WDR74: variants seen among roughly 807,000 people sequenced by gnomAD.
WDR74 encodes WD repeat domain 74, also known as WD repeat-containing protein 74.
In WDR74, 31 loss-of-function variants were observed where a neutral mutation model predicts 45.6. The observed-to-expected ratio is 0.68, with a 90% CI of 0.51 to 0.92. The LOEUF (loss-of-function observed/expected upper bound fraction) is 0.92. Among genes scored for constraint, WDR74 ranks in the 40% least tolerant of loss-of-function variants. The probability of loss-of-function intolerance (pLI) is 0.00; values close to 1 mark genes in which losing one functional copy is unlikely to be tolerated. For synonymous variants in WDR74, 191 were observed against 192.4 expected (o/e 0.99, Z 0.06); for missense variants, 455 against 497.2 (o/e 0.92, Z 0.81).
upstream of WDR74, chr11:62,841,600 G>T (rs191069823): frequency 3.3e-5 from 5 of 152,148 alleles, no homozygotes; most frequent in Admixed American, 1.3e-4. Flanking sequence ...ATTAAACAAC[G>T]GTTGTTCTCT....
chr11:62,841,500 TTCAACACAC>T (rs2085051450), upstream of WDR74: 1 of 152,112 alleles, frequency 6.6e-6, no homozygotes, highest in Non-Finnish European at 1.5e-5. Flanking sequence ...ACACGCGTCA[TTCAACACAC>T]TAGCGATAAA....
At chr11:62,835,567 G>A (rs566992784) in intron 5 of WDR74, 35 bp from the exon 6 acceptor site, 1 of 1,612,818 alleles carries the variant, frequency 6.2e-7, no homozygotes, top group East Asian at 2.2e-5. Flanking sequence ...CAGGGCTATG[G>A]GGGGCTCGAT....
At chr11:62,834,982 C>T (rs139517149) in intron 6 of WDR74, 14 of 215,684 alleles carry the variant, frequency 6.5e-5, no homozygotes, top group Non-Finnish European at 1.0e-4. Flanking sequence ...CAGCCCCGCC[C>T]GTGTCTCAAG....
chr11:62,837,491 C>T (rs1331828055), intron 3 of WDR74, among the ~76,000 whole-genome samples: 1 of 145,792 alleles, frequency 6.9e-6, no homozygotes, highest in Admixed American at 7.0e-5. Context: ...AGTGAGACTC[C>T]GTATATAAAA....
In WDR74 at chr11:62,833,827, G is replaced by A. The variant is rs1210723605; in HGVS notation, c.886C>T (p.His296Tyr). The part of the protein sequence containing the change: ...SCGLDRVLRI[H>Y]RIQNPRGLEH... Reference sequence around the variant, plus strand: ...AGACCCCGTGGATTCTGGATCCTGTGTATCCTCAAGACTCTGTCCAAGCCA... The same window carrying A: ...AGACCCCGTGGATTCTGGATCCTGTATATCCTCAAGACTCTGTCCAAGCCA... The change falls in exon 9 of 11, where the codon CAC becomes TAC. Residue 296 changes from histidine (H) to tyrosine (Y), a missense_variant. Physicochemically the swap from His to Tyr is moderately conservative, Grantham distance 83 (BLOSUM62 2). Coordinates refer to ENST00000278856, the MANE Select transcript of WDR74 (RefSeq NM_001369450.1). 1 of 1,613,922 alleles carries A rather than the reference G, an allele frequency of 6.2e-7. No homozygotes were observed. Among genetic ancestry groups the A allele is most frequent in the East Asian group, 2.2e-5 (1 of 44,880 alleles).
At chr11:62,841,649 A>T (rs970946629), upstream of WDR74, 1 of 152,238 alleles carries the variant, frequency 6.6e-6, no homozygotes, top group Non-Finnish European at 1.5e-5. Context: ...AAGTACTGCA[A>T]TACCAGGTCG....
Position 62,835,890 on chromosome 11 carries a change from C to T in WDR74, c.370-49G>A, listed in dbSNP as rs755611722. 3.8e-6 allele frequency: 6 copies of T among 1,589,746 alleles called. No individual in the cohort carries two copies. In the Admixed American group the frequency reaches 9.1e-5, roughly 24 times the overall value. Reference sequence around the variant, plus strand: ...TCCGTTCCAGAGTCCTTAATCCTCCCTTCCCCAGCGTGATCATTAGGCACC... The same window carrying T: ...TCCGTTCCAGAGTCCTTAATCCTCCTTTCCCCAGCGTGATCATTAGGCACC... On this transcript the variant is annotated intron_variant, in intron 4 of 10. Coordinates refer to ENST00000278856, the MANE Select transcript of WDR74 (RefSeq NM_001369450.1).
rs1377582478 is a variant in WDR74, at chr11:62,839,113, C to T, written c.293+1G>A. Reference sequence around the variant, plus strand: ...GAGTTTAGCGAGGGGATTGGTCTTACCCGTCGGCCTGGGCGAGGCCACGGA... The same window carrying T: ...GAGTTTAGCGAGGGGATTGGTCTTATCCGTCGGCCTGGGCGAGGCCACGGA... On this transcript the variant is annotated splice_donor_variant, in intron 3 of 10. Coordinates refer to ENST00000278856, the MANE Select transcript of WDR74 (RefSeq NM_001369450.1). LOFTEE classifies it high-confidence loss of function. The T allele has an allele frequency of 6.2e-7, 1 of 1,613,148 alleles. No homozygotes were observed. Among genetic ancestry groups the T allele is most frequent in the Non-Finnish European group, 8.5e-7 (1 of 1,179,876 alleles).
chr11:62,841,343 G>A (rs73487829), upstream of WDR74, among the ~76,000 whole-genome samples: 16,818 of 151,944 alleles, frequency 0.11, 1,403 homozygotes, highest in African/African-American at 0.23. Flanking sequence ...AAATAAAAAT[G>A]GAAAACATTA....
chr11:62,832,964 G>C lies in WDR74; in HGVS notation c.1146C>G (p.Ser382=). ...GGGCACAGGGGCGTCAGGGGCTGGT[G>C]GACCCAGGCCGCTTCTTCTTTCTCC... The part of the protein sequence containing the change: ...TRRRKKKRPG[S]TSP The change falls in exon 11 of 11, where the codon TCC becomes TCG. Residue 382 remains serine (S), a synonymous_variant. Coordinates refer to ENST00000278856, the MANE Select transcript of WDR74 (RefSeq NM_001369450.1). 1 of 1,603,694 alleles carries C rather than the reference G, an allele frequency of 6.2e-7. No homozygotes were observed.
intron 6 of WDR74, 160 bp downstream of exon 6, chr11:62,835,271 G>A: frequency 1.6e-6 from 1 of 636,806 alleles, no homozygotes; most frequent in South Asian, 1.9e-5. Context: ...ATACAGTAGA[G>A]GAAGGTCATG....
In WDR74 at chr11:62,834,435, C is replaced by A. The variant is rs761585022; in HGVS notation, c.711G>T (p.Pro237=). The change falls in exon 7 of 11, where the codon CCG becomes CCT. Residue 237 remains proline, a synonymous_variant. Transcript: ENST00000278856. ...CCCCTCTAAACACTCACTTGCCTCCCGGAGTGAGGGTCATGGCTGTTAGTG... is the reference window on the plus strand; with the variant it reads ...CCCCTCTAAACACTCACTTGCCTCCAGGAGTGAGGGTCATGGCTGTTAGTG... ...EYPLTAMTLT[P]GGNSVIVGNT... 1 of 1,611,590 alleles carries A rather than the reference C, an allele frequency of 6.2e-7. No individual in the cohort carries two copies.
chr11:62,835,341 T>G, intron 6 of WDR74, 90 bp downstream of exon 6: 18 of 1,205,742 alleles, frequency 1.5e-5, no homozygotes, highest in Non-Finnish European at 1.9e-5. Context: ...CTCAGAATGG[T>G]GAGAAGAGCA....
At chr11:62,841,558 T>C (rs543285951), upstream of WDR74, 19 of 151,460 alleles carry the variant, frequency 1.3e-4, no homozygotes, top group East Asian at 3.9e-4. Flanking sequence ...ACATAACTAT[T>C]TAGCTTGTAC....
upstream of WDR74, chr11:62,839,890 C>T (rs2085022658): frequency 6.2e-6 from 2 of 320,374 alleles, no homozygotes; most frequent in Non-Finnish European, 1.2e-5. Context: ...AAACAACAAA[C>T]GATTTAAGAA....
At position 62,833,792 on chromosome 11, in the gene WDR74, C is replaced by G. The variant is rs2084915200; in HGVS notation, c.921G>C (p.Lys307Asn). The G allele has an allele frequency of 6.2e-7, 1 of 1,613,440 alleles. No individual in the cohort carries two copies. Among genetic ancestry groups the G allele is most frequent in the Non-Finnish European group, 8.5e-7 (1 of 1,179,662 alleles). ...RIQNPRGLEHKVYLKSQLNCL... is the reference protein window; with the variant it reads ...RIQNPRGLEHNVYLKSQLNCL... ...GTTGGAGGTGGGAGAGACAACTTAC[C>G]TTATGCTCCAGACCCCGTGGATTCT... The change falls in exon 9 of 11, where the codon AAG (lysine) becomes AAC (asparagine). Residue 307 changes from lysine (K) to asparagine (N), a missense_variant and splice_region_variant. Transcript: ENST00000278856.
In WDR74 at chr11:62,833,034, T is replaced by G. The variant is rs2084894512; in HGVS notation, c.1076A>C (p.Lys359Thr). 1 of 1,610,736 alleles carries G rather than the reference T, an allele frequency of 6.2e-7. No individual in the cohort carries two copies. Among genetic ancestry groups the G allele is most frequent in the South Asian group, 1.1e-5 (1 of 90,442 alleles). The stretch of plus-strand genomic sequence containing the variant: ...TTGGGGCTGCTCCAAACCCGAGAGC[T>G]TCCGCTTGGCAGCTGCCTCCAAGGA... Reference protein sequence around the residue: ...WASLEAAAKRKLSGLEQPQGA... With the variant: ...WASLEAAAKRTLSGLEQPQGA... Residue 359 changes from lysine (K) to threonine (T), a missense_variant, in exon 11 of 11, where the codon AAG (lysine) becomes ACG (threonine). Physicochemically the swap from Lys to Thr is moderately conservative, Grantham distance 78 (BLOSUM62 -1). Coordinates refer to ENST00000278856, the MANE Select transcript of WDR74 (RefSeq NM_001369450.1).
Position 62,839,154 on chromosome 11 carries a change from C to T in WDR74, c.253G>A (p.Gly85Ser). 1 of 1,613,686 alleles carries T rather than the reference C, an allele frequency of 6.2e-7. No individual in the cohort carries two copies. The highest frequency in any genetic ancestry group is 8.5e-7 in the Non-Finnish European group (1 of 1,179,890). The change falls in exon 3 of 11, where the codon GGC (glycine) becomes AGC (serine). Residue 85 changes from glycine (G) to serine (S), a missense_variant. Gly to Ser is a moderately conservative substitution (Grantham distance 56). Transcript: ENST00000278856. ...GIFQGQRHCPGGEGMFRGLAQ... is the reference protein window; with the variant it reads ...GIFQGQRHCPSGEGMFRGLAQ... Reference sequence around the variant, plus strand: ...AGGCCACGGAACATGCCCTCCCCGCCCGGGCAGTGTCTCTGACCCTGGAAT... The same window carrying T: ...AGGCCACGGAACATGCCCTCCCCGCTCGGGCAGTGTCTCTGACCCTGGAAT...
intron 3 of WDR74, among the ~76,000 whole-genome samples, chr11:62,838,597 A>G (rs970785258): frequency 1.3e-5 from 2 of 151,846 alleles, no homozygotes; most frequent in East Asian, 2.0e-4. Flanking sequence ...CGTCTCTACT[A>G]AAGATACAAA....
Sources: allele counts gnomAD v4.1 joint callset (sites outside exome capture counted in the v4.1 genomes callset), GRCh38; gene constraint gnomAD v4.1.1; transcripts MANE v1.5; gene names NCBI Gene and HGNC (gene_info 2026-07-23, HGNC 2026-07-21).